The following CNTN3 variants were observed in gnomAD, a reference collection of about 807,000 sequenced individuals.
CNTN3 encodes contactin 3, also known as contactin-3.
CNTN3 carries 60 observed loss-of-function variants against 119.1 expected under a neutral mutation model. That is an observed-to-expected ratio of 0.50 (90% CI 0.41 to 0.62). The LOEUF (loss-of-function observed/expected upper bound fraction) is 0.62. CNTN3 is among the 20% of genes least tolerant of loss of function. The pLI is 0.00. For synonymous variants in CNTN3, 450 were observed against 438.7 expected, an observed-to-expected ratio of 1.03 and a Z score of -0.32; for missense variants, 1,101 against 1,242.4, an observed-to-expected ratio of 0.89 and a Z score of 1.71.
intron 1 of CNTN3, among the ~76,000 whole-genome samples, chr3:74,558,409 C>A (rs1035263680): frequency 1.3e-5 from 2 of 152,252 alleles, no homozygotes; most frequent in African/African-American, 4.8e-5. Flanking sequence ...TTGCAACACT[C>A]CTCACAACTG....
chr3:74,337,712 T>G (rs1703431965), intron 11 of CNTN3, among the ~76,000 whole-genome samples: 1 of 152,034 alleles, frequency 6.6e-6, no homozygotes, highest in Admixed American at 6.6e-5. Flanking sequence ...ATGTGGGAAT[T>G]ATGGAAGCTA....
intron 4 of CNTN3, among the ~76,000 whole-genome samples, chr3:74,476,753 T>C (rs1461060562): frequency 2.0e-5 from 3 of 152,124 alleles, no homozygotes; most frequent in East Asian, 1.9e-4. Flanking sequence ...AAGAATCAGA[T>C]AGAATGTCTC....
chr3:74,457,847 G>A (rs1453441641), intron 4 of CNTN3, among the ~76,000 whole-genome samples: 3 of 152,036 alleles, frequency 2.0e-5, no homozygotes, highest in Non-Finnish European at 2.9e-5. Context: ...AACCACACCT[G>A]ACATCAAGAT....
At chr3:74,508,953 T>A (rs1370360561) in intron 2 of CNTN3, among the ~76,000 whole-genome samples, 5 of 152,158 alleles carry the variant, frequency 3.3e-5, no homozygotes, top group Admixed American at 2.0e-4. Context: ...TGAAAGAGTA[T>A]CACTGGGCCC....
chr3:74,288,139 T>G (rs1702150294), intron 19 of CNTN3, among the ~76,000 whole-genome samples: 1 of 148,092 alleles, frequency 6.8e-6, no homozygotes, highest in Non-Finnish European at 1.5e-5. Context: ...TTTGACATCT[T>G]TTTTCTTTTC....
rs756422966 is a variant in CNTN3 at position 74,297,905 on chromosome 3, G to A, written c.2401+52C>T. On this transcript the variant is annotated intron_variant, in intron 18 of 22. Transcript: ENST00000263665. ...ACGAGACTCCAAATCAGTTTTTGGA[G>A]CACAAATAATTATTATTAGGCGGAA... 2.9e-6 allele frequency: 4 copies of A among 1,399,850 alleles called. No homozygotes were observed. The East Asian group carries it at 7.0e-5, about 24-fold the overall frequency. 86.7% of individuals were successfully genotyped at this position (1,399,850 alleles called of 1,614,324 possible).
At chr3:74,400,612 C>G (rs1705165993) in intron 5 of CNTN3, among the ~76,000 whole-genome samples, 1 of 152,148 alleles carries the variant, frequency 6.6e-6, no homozygotes, top group South Asian at 2.1e-4. Flanking sequence ...CAACAATTCT[C>G]TGCAACTATG....
At chr3:74,344,421 T>G (rs1261325199) in intron 11 of CNTN3, among the ~76,000 whole-genome samples, 2 of 10,734 alleles carry the variant, frequency 1.9e-4, no homozygotes, top group Non-Finnish European at 6.9e-4. Context: ...TTTTTTTTTT[T>G]TTTTTTTTTT....
At chr3:74,522,959 T>C (rs1703564399) in intron 1 of CNTN3, among the ~76,000 whole-genome samples, 1 of 151,628 alleles carries the variant, frequency 6.6e-6, no homozygotes, top group African/African-American at 2.4e-5. Flanking sequence ...ATGGCCAAAA[T>C]TACTGAATAA....
chr3:74,490,766 G>A (rs549194671), intron 3 of CNTN3, among the ~76,000 whole-genome samples: 1 of 152,244 alleles, frequency 6.6e-6, no homozygotes, highest in Non-Finnish European at 1.5e-5. Context: ...AAAAGGCAAA[G>A]ACTATTATTT....
chr3:74,312,196 G>A (rs1037093292), intron 13 of CNTN3, among the ~76,000 whole-genome samples: 3 of 152,072 alleles, frequency 2.0e-5, no homozygotes, highest in African/African-American at 7.2e-5. Flanking sequence ...GCTCACGCCT[G>A]TAATCCCAGC....
At chr3:74,441,376 G>A (rs1228135694) in intron 4 of CNTN3, among the ~76,000 whole-genome samples, 1 of 152,022 alleles carries the variant, frequency 6.6e-6, no homozygotes, top group Non-Finnish European at 1.5e-5. Flanking sequence ...TTGTTTCTCT[G>A]GCTAAGTAAA....
At chr3:74,437,099 C>T (rs892513988) in intron 4 of CNTN3, among the ~76,000 whole-genome samples, 12 of 152,138 alleles carry the variant, frequency 7.9e-5, no homozygotes, top group African/African-American at 2.9e-4. Flanking sequence ...AAGAAAACCC[C>T]TTCTGTACTT....
intron 13 of CNTN3, among the ~76,000 whole-genome samples, chr3:74,332,699 C>G (rs1703294109): frequency 6.6e-6 from 1 of 152,190 alleles, no homozygotes; most frequent in African/African-American, 2.4e-5. Flanking sequence ...GTAGCTAAGA[C>G]AGAGGAACCG....
At chr3:74,297,396 A>AC (rs979229266) in intron 18 of CNTN3, among the ~76,000 whole-genome samples, 1 of 151,210 alleles carries the variant, frequency 6.6e-6, no homozygotes, top group Non-Finnish European at 1.5e-5. Flanking sequence ...AAAAAAAAAC[A>AC]AAACACGGGT....
At position 74,490,559 on chromosome 3, in the gene CNTN3, A is replaced by C. The variant is rs183506785; in HGVS notation, c.183-3928T>G. Among the ~76,000 whole-genome samples, 583 of 152,288 alleles carry C rather than the reference A, an allele frequency of 3.8e-3. 4 individuals carry two copies. The highest frequency in any genetic ancestry group is 0.022 in the South Asian group (107 of 4,824). On this transcript the variant is annotated intron_variant, in intron 3 of 22. Coordinates refer to ENST00000263665, the MANE Select transcript of CNTN3 (RefSeq NM_020872.3). ...TTATTCTTACATATTTAACAGATGG[A>C]AAGATTTAAGAAACCATAAAGTATG...
intron 1 of CNTN3, among the ~76,000 whole-genome samples, chr3:74,589,934 A>G (rs921102814): frequency 1.8e-4 from 23 of 130,332 alleles, no homozygotes; most frequent in Non-Finnish European, 9.6e-5. Flanking sequence ...AGGAAGGGGA[A>G]CATCACACTC....
Position 74,293,168 on chromosome 3 carries a change from T to C in CNTN3, c.2517+1953A>G, listed in dbSNP as rs552822165. The stretch of plus-strand genomic sequence containing the variant: ...ACTAACAAGACCTAGTCCTAAATGT[T>C]TGGATTGAGTGGGTCCTGGGAGAGC... On this transcript the variant is annotated intron_variant, in intron 19 of 22. Coordinates refer to ENST00000263665, the MANE Select transcript of CNTN3 (RefSeq NM_020872.3). Among the ~76,000 whole-genome samples, 3 of 152,298 alleles carry C rather than the reference T, an allele frequency of 2.0e-5. No homozygotes were observed. In the East Asian group the frequency reaches 5.8e-4, roughly 29 times the overall value.
At chr3:74,559,268 C>T (rs1704117013) in intron 1 of CNTN3, among the ~76,000 whole-genome samples, 1 of 152,058 alleles carries the variant, frequency 6.6e-6, no homozygotes, top group Non-Finnish European at 1.5e-5. Flanking sequence ...TCTTTCTGCT[C>T]CAAAAAGCTG....
Sources: allele counts gnomAD v4.1 joint callset (sites outside exome capture counted in the v4.1 genomes callset), GRCh38; gene constraint gnomAD v4.1.1; transcripts MANE v1.5; gene names NCBI Gene and HGNC (gene_info 2026-07-23, HGNC 2026-07-21).